Variants in KIF15 observed in about 807,000 individuals in gnomAD.
The protein encoded by KIF15 is kinesin family member 15, also known as kinesin-like protein KIF15.
In KIF15, 140 loss-of-function variants were observed where a neutral mutation model predicts 190.6. The observed-to-expected ratio is 0.73, with a 90% CI of 0.64 to 0.84. The LOEUF is 0.84. KIF15 is among the 40% of genes least tolerant of loss of function. The pLI, the probability that KIF15 is intolerant of heterozygous loss-of-function variation, is 0.00. For synonymous variants in KIF15, 528 were observed against 551.3 expected (o/e 0.96, Z 0.59); for missense variants, 1,372 against 1,584.4 (o/e 0.87, Z 2.28).
chr3:44,795,005 A>G (rs1308247427), intron 8 of KIF15, among the ~76,000 whole-genome samples: 2 of 152,202 alleles, frequency 1.3e-5, no homozygotes, highest in African/African-American at 4.8e-5. Flanking sequence ...ATATGACCAT[A>G]CCAAGCTAAG....
In KIF15 at chr3:44,829,953, T is replaced by G. The variant is rs771242230; in HGVS notation, c.2944-18T>G. 1.4e-6 allele frequency: 2 copies of G among 1,470,564 alleles called. No individual in the cohort carries two copies. Among genetic ancestry groups the G allele is most frequent in the South Asian group, 2.6e-5 (2 of 75,948 alleles). 91.1% of individuals were successfully genotyped at this position (1,470,564 alleles called of 1,614,324 possible). On this transcript the variant is annotated intron_variant, in intron 24 of 34. Transcript: ENST00000326047. ...TTAATGTCATTGGGTATGAAGATAT[T>G]ATTTCTGTCCTCATCAGAAAGTTGT... is the stretch of plus-strand genomic sequence containing the variant.
At chr3:44,840,486 G>C in intron 28 of KIF15, 30 bp downstream of exon 28, 1 of 1,443,736 alleles carries the variant, frequency 6.9e-7, no homozygotes, top group Non-Finnish European at 9.6e-7. Context: ...TATTTCAGGA[G>C]GAAGAAACAG....
chr3:44,773,416 A>T (rs1054336648), intron 1 of KIF15, among the ~76,000 whole-genome samples: 1 of 152,080 alleles, frequency 6.6e-6, no homozygotes, highest in Non-Finnish European at 1.5e-5. Context: ...TGGGCCATGC[A>T]CCCCAGCCCC....
chr3:44,790,922 CT>C lies in KIF15; in HGVS notation c.640-3294del, dbSNP rs1185257922. Reference sequence around the variant, plus strand: ...GGTCTCTATCTCTTGACCCCGTGATCTGCCTGCCTCGGCCTCCCAAAGTGCT... The same window carrying C: ...GGTCTCTATCTCTTGACCCCGTGATCGCCTGCCTCGGCCTCCCAAAGTGCT... On this transcript the variant is annotated intron_variant, in intron 7 of 34. Transcript: ENST00000326047. Among the ~76,000 whole-genome samples the C allele has an allele frequency of 3.9e-5, 6 of 152,260 alleles. No individual in the cohort carries two copies. The South Asian group carries it at 1.2e-3, about 32-fold the overall frequency.
At chr3:44,809,532 A>C (rs1707691905) in intron 16 of KIF15, among the ~76,000 whole-genome samples, 1 of 151,978 alleles carries the variant, frequency 6.6e-6, no homozygotes, top group African/African-American at 2.4e-5. Context: ...GAATGGTATG[A>C]GAAAGGGATT....
intron 20 of KIF15, among the ~76,000 whole-genome samples, chr3:44,824,516 C>T (rs1365785233): frequency 6.6e-6 from 1 of 152,190 alleles, no homozygotes; most frequent in Non-Finnish European, 1.5e-5. Context: ...TAACTTATCA[C>T]AGGTGCACTG....
chr3:44,852,132 G>C, intron 33 of KIF15, 76 bp from the exon 34 acceptor site: 2 of 1,525,036 alleles, frequency 1.3e-6, no homozygotes, highest in Middle Eastern at 1.7e-4. Flanking sequence ...CTCCTGGAAG[G>C]CAAGAAATAA....
At chr3:44,775,463 T>A in intron 3 of KIF15, 26 bp downstream of exon 3, 1 of 1,011,910 alleles carries the variant, frequency 9.9e-7, no homozygotes, top group Non-Finnish European at 1.3e-6. Context: ...AACTTAACTT[T>A]TTTTTTTTTT....
At chr3:44,814,622 G>A (rs139602414) in intron 19 of KIF15, among the ~76,000 whole-genome samples, 46 of 152,242 alleles carry the variant, frequency 3.0e-4, no homozygotes, top group African/African-American at 9.9e-4. Context: ...TATATTAGGA[G>A]TTTTGAAGCA....
chr3:44,856,131 A>T (rs1450601016), downstream of KIF15, among the ~76,000 whole-genome samples: 1 of 152,120 alleles, frequency 6.6e-6, no homozygotes, highest in Non-Finnish European at 1.5e-5. Context: ...ATTATGGCGG[A>T]CAAAAGGGAA....
intron 17 of KIF15, 87 bp from the exon 18 acceptor site, chr3:44,812,095 T>C: frequency 1.0e-6 from 1 of 975,378 alleles, no homozygotes; most frequent in Admixed American, 2.2e-5. Context: ...TGTTTTGTTT[T>C]GTTGTCTCTT....
chr3:44,771,079 A>G (rs1705622090), intron 1 of KIF15, among the ~76,000 whole-genome samples: 1 of 152,206 alleles, frequency 6.6e-6, no homozygotes, highest in Non-Finnish European at 1.5e-5. Flanking sequence ...TGAAAGTTCT[A>G]TGGCTGATTA....
intron 16 of KIF15, among the ~76,000 whole-genome samples, chr3:44,807,318 G>C (rs1257441817): frequency 6.7e-6 from 1 of 150,010 alleles, no homozygotes; most frequent in Admixed American, 6.6e-5. Flanking sequence ...TCTGCTTCCT[G>C]GGTTCAAGCG....
At chr3:44,820,967 G>A (rs1214170172) in intron 20 of KIF15, among the ~76,000 whole-genome samples, 1 of 150,582 alleles carries the variant, frequency 6.6e-6, no homozygotes, top group African/African-American at 2.4e-5. Context: ...GGGGTGGCTG[G>A]CCGGGCAGGG....
intron 14 of KIF15, among the ~76,000 whole-genome samples, chr3:44,803,444 C>T (rs1448665710): frequency 6.6e-6 from 1 of 152,162 alleles, no homozygotes; most frequent in Non-Finnish European, 1.5e-5. Flanking sequence ...TGTTTGGGTC[C>T]TGGTATTGTG....
At chr3:44,772,862 C>T (rs930804914) in intron 1 of KIF15, among the ~76,000 whole-genome samples, 2 of 152,174 alleles carry the variant, frequency 1.3e-5, no homozygotes, top group African/African-American at 2.4e-5. Flanking sequence ...GGTTACAGGC[C>T]GTGCTTCCAA....
chr3:44,767,024 G>T lies in KIF15; in HGVS notation c.19+5140G>T, dbSNP rs184682914. ...ACGGGGTTTCACCGTGTTAGCCAGG[G>T]TGGTCTCGATCTCCTGACCTCGTGA... On this transcript the variant is annotated intron_variant, in intron 1 of 34. Coordinates refer to ENST00000326047, the MANE Select transcript of KIF15 (RefSeq NM_020242.3). Among the ~76,000 whole-genome samples the T allele has an allele frequency of 7.0e-3, 1,067 of 151,896 alleles. 3 individuals are homozygous for T. Among genetic ancestry groups the T allele is most frequent in the Middle Eastern group, 0.017 (5 of 294 alleles).
chr3:44,779,856 T>C (rs1706085328), intron 4 of KIF15, among the ~76,000 whole-genome samples: 1 of 151,290 alleles, frequency 6.6e-6, no homozygotes, highest in Non-Finnish European at 1.5e-5. Flanking sequence ...ACCCTATTTG[T>C]AGAGGACTCA....
intron 23 of KIF15, among the ~76,000 whole-genome samples, chr3:44,827,917 G>A (rs941625726): frequency 1.3e-5 from 2 of 152,064 alleles, no homozygotes; most frequent in Non-Finnish European, 2.9e-5. Context: ...GAGCTCAAGT[G>A]ATCCACCCAC....
Sources: gnomAD v4.1 joint callset for allele counts (sites outside exome capture counted in the v4.1 genomes callset) on GRCh38, gnomAD v4.1.1 for gene constraint, MANE v1.5 for transcripts, NCBI Gene and HGNC (gene_info 2026-07-23, HGNC 2026-07-21) for gene names.